Variants in CSMD1 observed in about 807,000 individuals in gnomAD.
The protein encoded by CSMD1 is CUB and Sushi multiple domains 1, also known as CUB and sushi domain-containing protein 1.
A neutral mutation model predicts 417.5 loss-of-function variants in CSMD1; 213 were observed. The ratio of observed to expected loss-of-function variants is 0.51; its 90% confidence interval spans 0.46 to 0.57. The LOEUF is 0.57. Among genes scored for constraint, CSMD1 ranks in the 20% least tolerant of loss-of-function variants. The probability of loss-of-function intolerance (pLI) is 0.00; values close to 1 mark genes in which losing one functional copy is unlikely to be tolerated. For missense variants in CSMD1, 6,923 were observed against 4,529.7 expected, an observed-to-expected ratio of 1.53 and a Z score of -15.17; for synonymous variants, 2,862 against 1,736.8, an observed-to-expected ratio of 1.65 and a Z score of -16.11.
At chr8:4,663,516 G>C (rs1804733860) in intron 1 of CSMD1, among the ~76,000 whole-genome samples, 1 of 152,122 alleles carries the variant, frequency 6.6e-6, no homozygotes, top group Admixed American at 6.5e-5. Flanking sequence ...CCTTGCTGTT[G>C]TCCTGATAGT....
At chr8:4,843,485 G>C (rs1414550643) in intron 1 of CSMD1, among the ~76,000 whole-genome samples, 1 of 151,992 alleles carries the variant, frequency 6.6e-6, no homozygotes, top group Non-Finnish European at 1.5e-5. Flanking sequence ...GTGTATAAAG[G>C]AAAGTAGCAA....
At chr8:3,634,226 C>A (rs577032460) in intron 7 of CSMD1, among the ~76,000 whole-genome samples, 21 of 152,256 alleles carry the variant, frequency 1.4e-4, no homozygotes, top group African/African-American at 3.9e-4. Context: ...TATGTGTTCA[C>A]GTGATTAATG....
In CSMD1 at chr8:4,337,213, C is replaced by A. The variant is rs556621877; in HGVS notation, c.415+82740G>T. ...TATCTCAAAAGGGGAGACTTTCAAT[C>A]TTTACCCAGGAGGCAAAAACTCCAC... On this transcript the variant is annotated intron_variant, in intron 3 of 69. Transcript: ENST00000635120. Among the ~76,000 whole-genome samples, 8 of 152,202 alleles carry A rather than the reference C, an allele frequency of 5.3e-5. No homozygotes were observed. In the East Asian group the frequency reaches 1.6e-3, roughly 30 times the overall value.
chr8:3,399,305 T>A (rs548618569), intron 16 of CSMD1, 86 bp downstream of exon 16: 2 of 1,315,864 alleles, frequency 1.5e-6, no homozygotes, highest in African/African-American at 3.0e-5. Flanking sequence ...AAAACTGCCA[T>A]CTTTTTAAAG....
At chr8:4,138,352 G>A (rs190021385) in intron 3 of CSMD1, among the ~76,000 whole-genome samples, 1 of 151,544 alleles carries the variant, frequency 6.6e-6, no homozygotes, top group East Asian at 2.0e-4. Context: ...CAAAGCTGGG[G>A]CAAGGAGTCA....
chr8:4,132,192 A>ATTTTT (rs5889019), intron 3 of CSMD1, among the ~76,000 whole-genome samples: 1 of 95,780 alleles, frequency 1.0e-5, no homozygotes, highest in Non-Finnish European at 2.0e-5. Flanking sequence ...TTTGTCATGG[A>ATTTTT]TTTTTTTTTT....
At chr8:3,321,665 C>G (rs865951247) in intron 23 of CSMD1, among the ~76,000 whole-genome samples, 1 of 152,062 alleles carries the variant, frequency 6.6e-6, no homozygotes, top group Non-Finnish European at 1.5e-5. Context: ...CTATATTTAA[C>G]TGGTGCTTAT....
chr8:4,218,572 C>G (rs933179457), intron 3 of CSMD1, among the ~76,000 whole-genome samples: 12 of 152,178 alleles, frequency 7.9e-5, no homozygotes, highest in African/African-American at 2.7e-4. Flanking sequence ...TCTATGTTCT[C>G]TGTAATAATG....
At chr8:4,061,708 C>T (rs1285299539) in intron 3 of CSMD1, among the ~76,000 whole-genome samples, 2 of 152,214 alleles carry the variant, frequency 1.3e-5, no homozygotes, top group African/African-American at 4.8e-5. Flanking sequence ...AAGTATCTTA[C>T]ATTTATTCCT....
intron 1 of CSMD1, among the ~76,000 whole-genome samples, chr8:4,769,851 A>G (rs1227227842): frequency 6.6e-6 from 1 of 152,148 alleles, no homozygotes; most frequent in Non-Finnish European, 1.5e-5. Flanking sequence ...TGTTCTCTTA[A>G]AGAATATATG....
At chr8:3,971,608 CACTTCT>C (rs1448384527) in intron 5 of CSMD1, among the ~76,000 whole-genome samples, 4 of 152,082 alleles carry the variant, frequency 2.6e-5, no homozygotes, top group East Asian at 1.9e-4. Context: ...TTTTGACGGT[CACTTCT>C]ACTTCTATTT....
intron 6 of CSMD1, among the ~76,000 whole-genome samples, chr8:3,738,912 T>C (rs533842364): frequency 5.9e-5 from 9 of 152,332 alleles, no homozygotes; most frequent in African/African-American, 2.2e-4. Flanking sequence ...AAGGCCTCCA[T>C]GGTCTTCCCT....
chr8:4,956,622 G>C (rs1322032656), intron 1 of CSMD1, among the ~76,000 whole-genome samples: 15 of 151,446 alleles, frequency 9.9e-5, no homozygotes, highest in Admixed American at 9.9e-4. Flanking sequence ...ATAAATATAT[G>C]TAAATGCAGA....
chr8:3,058,456 T>C (rs1812379944), intron 49 of CSMD1, among the ~76,000 whole-genome samples: 1 of 152,208 alleles, frequency 6.6e-6, no homozygotes, highest in Admixed American at 6.5e-5. Context: ...AAACAATCAC[T>C]AGTTAATTTT....
chr8:4,613,421 A>G (rs1431030786), intron 2 of CSMD1, among the ~76,000 whole-genome samples: 2 of 152,156 alleles, frequency 1.3e-5, no homozygotes, highest in East Asian at 1.9e-4. Flanking sequence ...CATGCTACTC[A>G]TGAACTAGGT....
Position 4,509,948 on chromosome 8 carries a change from T to C in CSMD1, c.303-89883A>G, listed in dbSNP as rs567506896. Among the ~76,000 whole-genome samples the C allele has an allele frequency of 2.0e-4, 31 of 152,258 alleles. 1 individual carries two copies. The South Asian group carries it at 6.4e-3, about 32-fold the overall frequency. ...GTATATGAAAGCCTTAAATCACTAT[T>C]TTATGATTTTGCTGTGTCTCCACCC... is the stretch of plus-strand genomic sequence containing the variant. On this transcript the variant is annotated intron_variant, in intron 2 of 69. Coordinates refer to ENST00000635120, the MANE Select transcript of CSMD1 (RefSeq NM_033225.6).
intron 12 of CSMD1, among the ~76,000 whole-genome samples, chr8:3,461,336 C>T (rs1475239038): frequency 1.8e-4 from 28 of 152,158 alleles, no homozygotes; most frequent in Admixed American, 1.7e-3. Context: ...GCTGAGGAGC[C>T]AGCTTGGAGA....
At chr8:3,158,418 G>C (rs909733258) in intron 38 of CSMD1, among the ~76,000 whole-genome samples, 1 of 151,944 alleles carries the variant, frequency 6.6e-6, no homozygotes, top group African/African-American at 2.4e-5. Context: ...GTGGTTGTCT[G>C]TGCTTCCGCG....
Position 4,420,033 on chromosome 8 carries a change from A to T in CSMD1, c.335T>A (p.Val112Glu). ...LSGFQLPSSI[V>E]STGSILTLWF... ...CAGAGTGAGGATAGATCCTGTACTC[A>T]CTATAGAGGAGGGCAGCTGAAATCC... The change falls in exon 3 of 70, where the codon GTG becomes GAG. Residue 112 changes from valine (V) to glutamate (E), a missense_variant. Val to Glu is a moderately radical substitution (Grantham distance 121). Coordinates refer to ENST00000635120, the MANE Select transcript of CSMD1 (RefSeq NM_033225.6). The T allele has an allele frequency of 6.3e-7, 1 of 1,578,214 alleles. No individual in the cohort carries two copies. Among genetic ancestry groups the T allele is most frequent in the Non-Finnish European group, 8.6e-7 (1 of 1,160,640 alleles).
Sources: gnomAD v4.1 joint callset for allele counts (sites outside exome capture counted in the v4.1 genomes callset) on GRCh38, gnomAD v4.1.1 for gene constraint, MANE v1.5 for transcripts, NCBI Gene and HGNC (gene_info 2026-07-23, HGNC 2026-07-21) for gene names.